POU6F2: variants seen among roughly 807,000 people sequenced by gnomAD.
POU6F2 encodes POU domain, class 6, transcription factor 2.
In POU6F2, 31 loss-of-function variants were observed where a neutral mutation model predicts 71.3. That is an observed-to-expected ratio of 0.43 (90% confidence interval 0.33 to 0.59). The LOEUF (loss-of-function observed/expected upper bound fraction) is 0.59, where lower values mean the gene tolerates loss of function less well. POU6F2 is among the 20% of genes least tolerant of loss of function. The pLI is 0.04. For missense variants in POU6F2, 783 were observed against 856.8 expected, an observed-to-expected ratio of 0.91 and a Z score of 1.07; for synonymous variants, 347 against 355.7, an observed-to-expected ratio of 0.98 and a Z score of 0.27.
chr7:39,094,230 G>A (rs1050419619), intron 2 of POU6F2, among the ~76,000 whole-genome samples: 6 of 152,010 alleles, frequency 3.9e-5, no homozygotes, highest in African/African-American at 7.2e-5. Flanking sequence ...CAGGATTTGC[G>A]CAGTTTAATT....
intron 4 of POU6F2, among the ~76,000 whole-genome samples, chr7:39,217,538 T>G (rs1237696683): frequency 6.6e-6 from 1 of 152,318 alleles, no homozygotes; most frequent in African/African-American, 2.4e-5. Context: ...GGCCATGCAG[T>G]ACCTGCCACA....
chr7:39,101,139 C>A lies in POU6F2; in HGVS notation c.277+15108C>A, dbSNP rs371453267. Among the ~76,000 whole-genome samples the A allele has an allele frequency of 1.1e-4, 17 of 150,696 alleles. No individual in the cohort carries two copies. In the East Asian group the frequency reaches 2.0e-3, roughly 17 times the overall value. ...CCCAGGCTGGAGTGCAATGGCGCAA[C>A]CTTGGTTCACTGCAGCCTCCAACTC... is the stretch of plus-strand genomic sequence containing the variant. On this transcript the variant is annotated intron_variant, in intron 2 of 9. Transcript: ENST00000518318.
chr7:39,340,146 T>G, intron 5 of POU6F2, 131 bp downstream of exon 5: 3 of 1,275,620 alleles, frequency 2.4e-6, no homozygotes, highest in Non-Finnish European at 2.1e-6. Context: ...TTCAAATTGA[T>G]CTCTTAGACA....
Position 39,444,252 on chromosome 7 carries a change from A to G in POU6F2, c.1321-7281A>G, listed in dbSNP as rs190075404. ...TAGCTTCCACAGTATTACATCAGAA[A>G]TCCTTGGTGAGCAATACCAGAAAAC... On this transcript the variant is annotated intron_variant, in intron 7 of 9. Transcript: ENST00000518318. Among the ~76,000 whole-genome samples, 8 of 152,296 alleles carry G rather than the reference A, an allele frequency of 5.3e-5. No individual in the cohort carries two copies. The East Asian group carries it at 5.8e-4, about 11-fold the overall frequency.
At chr7:39,213,527 C>G (rs1171284132) in intron 4 of POU6F2, among the ~76,000 whole-genome samples, 1 of 152,210 alleles carries the variant, frequency 6.6e-6, no homozygotes, top group Non-Finnish European at 1.5e-5. Context: ...TTAATTATCT[C>G]TAAAAGATTC....
At chr7:39,115,654 T>C (rs959611189) in intron 2 of POU6F2, among the ~76,000 whole-genome samples, 3 of 152,146 alleles carry the variant, frequency 2.0e-5, no homozygotes, top group African/African-American at 7.2e-5. Context: ...AACCCCTAAC[T>C]TGGGCCAGTG....
chr7:39,009,587 C>A lies in POU6F2; in HGVS notation c.105+31529C>A, dbSNP rs1454952072. ...GAATAGGAGTGGTGAGAGAGGGCAT[C>A]CCTGTCTTGTGCCAGTTTTCAAAGG... On this transcript the variant is annotated intron_variant, in intron 1 of 9. Transcript: ENST00000518318. Among the ~76,000 whole-genome samples, 5 of 152,290 alleles carry A rather than the reference C, an allele frequency of 3.3e-5. No homozygotes were observed. The South Asian group carries it at 1.0e-3, about 32-fold the overall frequency.
chr7:39,435,886 C>G (rs1398179560), intron 7 of POU6F2, among the ~76,000 whole-genome samples: 2 of 152,148 alleles, frequency 1.3e-5, no homozygotes, highest in Non-Finnish European at 2.9e-5. Context: ...AATAGGGAAT[C>G]CTTTCCCCTT....
rs114885105 is a variant in POU6F2 at position 39,116,836 on chromosome 7, C to T, written c.277+30805C>T. On this transcript the variant is annotated intron_variant, in intron 2 of 9. Transcript: ENST00000518318. The stretch of plus-strand genomic sequence containing the variant: ...ATTTACACCAAGATTTTTGTCTTTA[C>T]ACTTCCCAAGAGTAAAATTGCACAT... 5.0e-3 allele frequency among the ~76,000 whole-genome samples: 759 copies of T among 152,230 alleles called. 8 individuals carry two copies. Among genetic ancestry groups the T allele is most frequent in the African/African-American group, 0.018 (729 of 41,538 alleles).
intron 4 of POU6F2, among the ~76,000 whole-genome samples, chr7:39,227,876 A>G (rs916331288): frequency 2.0e-5 from 3 of 151,134 alleles, no homozygotes; most frequent in Admixed American, 2.0e-4. Context: ...CCTTTAAAAA[A>G]CTCCCTGGTT....
intron 4 of POU6F2, among the ~76,000 whole-genome samples, chr7:39,260,027 CCA>C (rs1784101453): frequency 6.6e-6 from 1 of 151,594 alleles, no homozygotes; most frequent in Non-Finnish European, 1.5e-5. Context: ...CATGCTCACA[CCA>C]CACATACAAT....
chr7:39,311,797 G>A (rs1303579510), intron 4 of POU6F2, among the ~76,000 whole-genome samples: 1 of 152,122 alleles, frequency 6.6e-6, no homozygotes, highest in East Asian at 1.9e-4. Flanking sequence ...GGCAAATGAA[G>A]AATTTATCCT....
intron 4 of POU6F2, among the ~76,000 whole-genome samples, chr7:39,267,623 T>G (rs1416654275): frequency 6.7e-6 from 1 of 149,394 alleles, no homozygotes; most frequent in Non-Finnish European, 1.5e-5. Flanking sequence ...TTTCATACAT[T>G]TAAAAATATT....
chr7:38,995,449 T>G (rs1584486246), intron 1 of POU6F2, among the ~76,000 whole-genome samples: 1 of 152,092 alleles, frequency 6.6e-6, no homozygotes, highest in East Asian at 1.9e-4. Context: ...TGTGCACATG[T>G]ACCCTAAAAC....
chr7:39,339,508 CA>C, intron 4 of POU6F2, 133 bp from the exon 5 acceptor site: 1 of 1,300,324 alleles, frequency 7.7e-7, no homozygotes, highest in Non-Finnish European at 1.0e-6. Context: ...TCTTAAATAC[CA>C]AAGAGCTTCA....
chr7:39,339,769 G>T lies in POU6F2; in HGVS notation c.726G>T (p.Ser242=). 2 of 1,582,158 alleles carry T rather than the reference G, an allele frequency of 1.3e-6. No individual in the cohort carries two copies. Among genetic ancestry groups the T allele is most frequent in the East Asian group, 2.3e-5 (1 of 42,920 alleles). ...QHPQPAPQAP[S]QSQQQPLQPT... is the part of the protein sequence containing the mutation. Reference sequence around the variant, plus strand: ...CGCAACCAGCCCCACAGGCGCCCTCGCAGTCCCAGCAGCAGCCGCTGCAGC... The same window carrying T: ...CGCAACCAGCCCCACAGGCGCCCTCTCAGTCCCAGCAGCAGCCGCTGCAGC... The change falls in exon 5 of 10, where the codon TCG becomes TCT. Residue 242 remains serine, a synonymous_variant. Transcript: ENST00000518318.
intron 5 of POU6F2, among the ~76,000 whole-genome samples, chr7:39,383,367 G>A (rs904490009): frequency 6.6e-5 from 10 of 151,796 alleles, no homozygotes; most frequent in African/African-American, 2.4e-4. Context: ...TATTTTTTTT[G>A]TCTATGACAT....
At chr7:39,273,764 G>A (rs1784382934) in intron 4 of POU6F2, among the ~76,000 whole-genome samples, 1 of 151,780 alleles carries the variant, frequency 6.6e-6, no homozygotes, top group Non-Finnish European at 1.5e-5. Flanking sequence ...ATTGCAATTT[G>A]TCACCTACTT....
chr7:39,228,295 G>A (rs899690146), intron 4 of POU6F2, among the ~76,000 whole-genome samples: 1 of 152,082 alleles, frequency 6.6e-6, no homozygotes, highest in African/African-American at 2.4e-5. Context: ...ACTTTTTCCT[G>A]AGAGCTGGCT....
Sources: allele counts gnomAD v4.1 joint callset (sites outside exome capture counted in the v4.1 genomes callset), GRCh38; gene constraint gnomAD v4.1.1; transcripts MANE v1.5; gene names NCBI Gene and HGNC (gene_info 2026-07-23, HGNC 2026-07-21).